The following ROBO1 variants were observed in gnomAD, a reference collection of about 807,000 sequenced individuals.
ROBO1 encodes roundabout homolog 1.
A neutral mutation model predicts 195.9 loss-of-function variants in ROBO1; 149 were observed. That is an observed-to-expected ratio of 0.76 (90% CI 0.67 to 0.87). The LOEUF is 0.87. Among genes scored for constraint, ROBO1 ranks in the 40% least tolerant of loss-of-function variants. The pLI is 0.00. For missense variants in ROBO1, 1,933 were observed against 2,068.3 expected, an observed-to-expected ratio of 0.93 and a Z score of 1.27; for synonymous variants, 816 against 733.2, an observed-to-expected ratio of 1.11 and a Z score of -1.82.
At chr3:79,135,224 A>G (rs571521164) in intron 2 of ROBO1, among the ~76,000 whole-genome samples, 4 of 152,150 alleles carry the variant, frequency 2.6e-5, no homozygotes, top group Non-Finnish European at 5.9e-5. Flanking sequence ...AAATTGTTGG[A>G]AGATAGCATA....
At chr3:78,696,103 T>G (rs2081282469) in intron 8 of ROBO1, among the ~76,000 whole-genome samples, 1 of 149,236 alleles carries the variant, frequency 6.7e-6, no homozygotes, top group Admixed American at 6.7e-5. Flanking sequence ...TATTGTCCTG[T>G]TGGGCATGGC....
chr3:78,992,337 C>G (rs1162753134), intron 3 of ROBO1, among the ~76,000 whole-genome samples: 1 of 152,068 alleles, frequency 6.6e-6, no homozygotes, highest in African/African-American at 2.4e-5. Flanking sequence ...TAGTATTTAT[C>G]TGAAGGTGGC....
At chr3:78,979,235 T>C (rs1000102490) in intron 3 of ROBO1, among the ~76,000 whole-genome samples, 2 of 152,138 alleles carry the variant, frequency 1.3e-5, no homozygotes, top group Admixed American at 6.6e-5. Context: ...GAGTGGTCAC[T>C]GAGATTAGGT....
chr3:79,195,674 A>G (rs2081620651), intron 2 of ROBO1, among the ~76,000 whole-genome samples: 1 of 151,616 alleles, frequency 6.6e-6, no homozygotes, highest in African/African-American at 2.4e-5. Flanking sequence ...TTCAGTTAAT[A>G]AAATTGCTTG....
chr3:78,680,257 A>G (rs1251721395), intron 10 of ROBO1, among the ~76,000 whole-genome samples: 3 of 152,218 alleles, frequency 2.0e-5, no homozygotes, highest in African/African-American at 4.8e-5. Flanking sequence ...ATTACCATTC[A>G]GGACATAGGC....
At chr3:78,612,570 A>G (rs1213432337) in intron 28 of ROBO1, among the ~76,000 whole-genome samples, 1 of 152,244 alleles carries the variant, frequency 6.6e-6, no homozygotes, top group Non-Finnish European at 1.5e-5. Flanking sequence ...AAGAATCTGC[A>G]TTATATGACT....
intron 2 of ROBO1, among the ~76,000 whole-genome samples, chr3:79,441,578 G>T (rs4325892): frequency 6.6e-6 from 1 of 151,852 alleles, no homozygotes; most frequent in African/African-American, 2.4e-5. Flanking sequence ...TAGAATAAGA[G>T]CATATGAAAA....
intron 2 of ROBO1, among the ~76,000 whole-genome samples, chr3:79,126,936 CT>C (rs1248175777): frequency 4.0e-5 from 6 of 151,806 alleles, no homozygotes; most frequent in African/African-American, 1.5e-4. Context: ...ATTTCCCCCC[CT>C]AATCTCCCTG....
At chr3:78,793,736 G>T (rs1013511733) in intron 4 of ROBO1, among the ~76,000 whole-genome samples, 2 of 151,572 alleles carry the variant, frequency 1.3e-5, no homozygotes, top group African/African-American at 2.4e-5. Context: ...AGTAGAAACT[G>T]AAAATAATAA....
chr3:78,677,606 T>C (rs1289398528), intron 10 of ROBO1, among the ~76,000 whole-genome samples: 1 of 151,428 alleles, frequency 6.6e-6, no homozygotes, highest in Non-Finnish European at 1.5e-5. Flanking sequence ...AAGGGATCAA[T>C]TCAACAAGAG....
intron 1 of ROBO1, among the ~76,000 whole-genome samples, chr3:79,746,128 T>C (rs1285626866): frequency 6.6e-6 from 1 of 152,050 alleles, no homozygotes; most frequent in Non-Finnish European, 1.5e-5. Flanking sequence ...GAATCATTCT[T>C]TTTAGGGTTT....
chr3:79,282,606 A>G lies in ROBO1; in HGVS notation c.89-157067T>C, dbSNP rs146358227. On this transcript the variant is annotated intron_variant, in intron 2 of 30. Transcript: ENST00000464233. Reference sequence around the variant, plus strand: ...AAGGGAGAACAAGAAGTCTAAGAAGAGTCCCAGATTTTTGGCTTGGAGAAT... The same window carrying G: ...AAGGGAGAACAAGAAGTCTAAGAAGGGTCCCAGATTTTTGGCTTGGAGAAT... Among the ~76,000 whole-genome samples the G allele has an allele frequency of 2.9e-3, 440 of 152,334 alleles. 5 individuals are homozygous for G. The highest frequency in any genetic ancestry group is 0.01 in the African/African-American group (419 of 41,562).
chr3:79,253,450 C>G (rs1217240562), intron 2 of ROBO1, among the ~76,000 whole-genome samples: 2 of 152,208 alleles, frequency 1.3e-5, no homozygotes, highest in Non-Finnish European at 2.9e-5. Flanking sequence ...CCAAACACTT[C>G]AAAAACAACG....
At chr3:79,136,028 A>G (rs958167913) in intron 2 of ROBO1, among the ~76,000 whole-genome samples, 7 of 152,232 alleles carry the variant, frequency 4.6e-5, no homozygotes, top group African/African-American at 1.7e-4. Flanking sequence ...CATAATGTGC[A>G]GCAGACATTC....
At chr3:78,700,089 A>G (rs1324293528) in intron 8 of ROBO1, among the ~76,000 whole-genome samples, 1 of 152,108 alleles carries the variant, frequency 6.6e-6, no homozygotes, top group African/African-American at 2.4e-5. Context: ...GTTTGCCATT[A>G]TTTCTCTAGA....
At chr3:79,154,467 A>T (rs1354304026) in intron 2 of ROBO1, among the ~76,000 whole-genome samples, 1 of 151,778 alleles carries the variant, frequency 6.6e-6, no homozygotes, top group Non-Finnish European at 1.5e-5. Flanking sequence ...TATGAGAGAG[A>T]TGAGCTCAGT....
chr3:79,422,280 G>C (rs2038259522), intron 2 of ROBO1, among the ~76,000 whole-genome samples: 1 of 151,192 alleles, frequency 6.6e-6, no homozygotes, highest in Non-Finnish European at 1.5e-5. Flanking sequence ...TTAACCTAGT[G>C]CAACTAAGTT....
At chr3:79,323,148 C>T (rs1319655550) in intron 2 of ROBO1, among the ~76,000 whole-genome samples, 9 of 150,912 alleles carry the variant, frequency 6.0e-5, no homozygotes, top group East Asian at 2.0e-4. Flanking sequence ...GTGGCACGAT[C>T]GCAGCTCACT....
chr3:78,712,017 CAAAAAAAAAAAAAAAAAAAA>C (rs56267632), intron 8 of ROBO1, among the ~76,000 whole-genome samples: 2 of 76,422 alleles, frequency 2.6e-5, no homozygotes, highest in African/African-American at 1.1e-4. Context: ...AAGACCTTGG[CAAAAAAAAAAAAAAAAAAAA>C]AAAAAAAAAA....
Sources: allele counts gnomAD v4.1 joint callset (sites outside exome capture counted in the v4.1 genomes callset), GRCh38; gene constraint gnomAD v4.1.1; transcripts MANE v1.5; gene names NCBI Gene and HGNC (gene_info 2026-07-23, HGNC 2026-07-21).